Variants in MYO9A observed in about 807,000 individuals in gnomAD.
MYO9A encodes myosin IXA, also known as unconventional myosin-IXa.
A neutral mutation model predicts 293.3 loss-of-function variants in MYO9A; 103 were observed. The observed-to-expected ratio is 0.35, with a 90% CI of 0.30 to 0.41. MYO9A has a LOEUF of 0.41. Ranked by LOEUF, MYO9A falls within the 10% of genes least tolerant of loss-of-function variation. The probability of loss-of-function intolerance (pLI) is 1.00; values close to 1 mark genes in which losing one functional copy is unlikely to be tolerated. For missense variants in MYO9A, 2,685 were observed against 3,033.0 expected (o/e 0.89, Z 2.69); for synonymous variants, 1,001 against 1,035.7 (o/e 0.97, Z 0.64).
chr15:71,881,832 T>C (rs1028202292), intron 28 of MYO9A, among the ~76,000 whole-genome samples: 9 of 152,162 alleles, frequency 5.9e-5, no homozygotes, highest in African/African-American at 1.9e-4. Context: ...AAGAATATAA[T>C]TGTGGGAAAT....
intron 1 of MYO9A, among the ~76,000 whole-genome samples, chr15:72,059,467 C>A (rs989817499): frequency 2.5e-4 from 38 of 152,180 alleles, no homozygotes; most frequent in Non-Finnish European, 4.7e-4. Flanking sequence ...AGTTTCAGCT[C>A]TGGATTACTT....
At chr15:72,006,256 T>TTG (rs1555502361) in intron 8 of MYO9A, among the ~76,000 whole-genome samples, 214 of 150,308 alleles carry the variant, frequency 1.4e-3, no homozygotes, top group South Asian at 1.9e-3. Flanking sequence ...GTGTTTTTTT[T>TTG]TTGTTGTTGT....
intron 11 of MYO9A, among the ~76,000 whole-genome samples, chr15:71,985,746 T>A (rs932440113): frequency 5.3e-5 from 8 of 152,220 alleles, no homozygotes; most frequent in Non-Finnish European, 8.8e-5. Context: ...GTAAAACTTA[T>A]TTGAAGGTAC....
At chr15:72,079,199 T>C (rs2079463268) in intron 1 of MYO9A, among the ~76,000 whole-genome samples, 1 of 151,966 alleles carries the variant, frequency 6.6e-6, no homozygotes, top group African/African-American at 2.4e-5. Context: ...TAGGGGAAAC[T>C]GTGGGGGCAG....
At chr15:72,020,772 C>T (rs569459165) in intron 5 of MYO9A, 146 bp downstream of exon 5, 19 of 416,168 alleles carry the variant, frequency 4.6e-5, no homozygotes, top group South Asian at 1.1e-4. Flanking sequence ...AATTTGAGAA[C>T]TGCATCACCT....
At chr15:72,065,875 A>G (rs1344198050) in intron 1 of MYO9A, among the ~76,000 whole-genome samples, 3 of 152,234 alleles carry the variant, frequency 2.0e-5, no homozygotes, top group South Asian at 2.1e-4. Context: ...TCATTGTTCA[A>G]AAATATTCAC....
chr15:71,959,443 A>G (rs2146955783), intron 14 of MYO9A: 1 of 163,618 alleles, frequency 6.1e-6, no homozygotes, highest in African/African-American at 2.4e-5. Context: ...CTATGCAGCA[A>G]TGGCCCTATC....
rs764582516 is a variant in MYO9A at position 71,826,384 on chromosome 15, C to CT, written c.*195dup. ...TTCAAATACAACAGCCAAGGCACAG[C>CT]TGGCACCATCCCCAGCAGGCTTTCT... is the stretch of plus-strand genomic sequence containing the variant. On this transcript the variant is annotated 3_prime_UTR_variant, in exon 42 of 42. Coordinates refer to ENST00000356056, the MANE Select transcript of MYO9A (RefSeq NM_006901.4). 1.8e-6 allele frequency: 1 copy of CT among 568,444 alleles called. No homozygotes were observed. Among genetic ancestry groups the CT allele is most frequent in the Non-Finnish European group, 3.0e-6 (1 of 334,294 alleles). 35.2% of individuals were successfully genotyped at this position (568,444 alleles called of 1,614,324 possible).
At chr15:71,960,337 G>T in intron 13 of MYO9A, 2 of 460,770 alleles carry the variant, frequency 4.3e-6, no homozygotes, top group East Asian at 3.5e-5. Context: ...ACCAAAATCT[G>T]GTTATTTAAA....
At chr15:71,846,567 T>G (rs2055397378) in intron 39 of MYO9A, among the ~76,000 whole-genome samples, 1 of 152,194 alleles carries the variant, frequency 6.6e-6, no homozygotes, top group Non-Finnish European at 1.5e-5. Flanking sequence ...ATAGAATTGG[T>G]TTCAAGATGC....
intron 1 of MYO9A, among the ~76,000 whole-genome samples, chr15:72,111,358 G>T (rs1414886959): frequency 2.1e-5 from 3 of 142,708 alleles, no homozygotes; most frequent in Non-Finnish European, 4.6e-5. Context: ...GCATGGTGGC[G>T]TGCACCTGTA....
intron 37 of MYO9A, among the ~76,000 whole-genome samples, chr15:71,850,917 A>C (rs561695721): frequency 1.1e-4 from 17 of 152,192 alleles, no homozygotes; most frequent in African/African-American, 3.9e-4. Context: ...TCAATTCCTG[A>C]GAATGATCTG....
At position 72,085,726 on chromosome 15, in the gene MYO9A, C is replaced by T. The variant is rs566849870; in HGVS notation, c.-72+31954G>A. ...GCTTTTTAAGTTATCAGGATTCTTA[C>T]GCTGGTTCTTTCTCAACTTTGCGGG... On this transcript the variant is annotated intron_variant, in intron 1 of 41. Coordinates refer to ENST00000356056, the MANE Select transcript of MYO9A (RefSeq NM_006901.4). 1.5e-4 allele frequency among the ~76,000 whole-genome samples: 23 copies of T among 152,310 alleles called. No individual in the cohort carries two copies. In the South Asian group the frequency reaches 2.1e-3, roughly 14 times the overall value.
chr15:71,873,749 TAA>T (rs1248798968), intron 32 of MYO9A, among the ~76,000 whole-genome samples: 1 of 152,158 alleles, frequency 6.6e-6, no homozygotes, highest in African/African-American at 2.4e-5. Context: ...TGAATTATAA[TAA>T]AATAGTTGTT....
At chr15:71,894,564 A>G (rs1344126893) in intron 25 of MYO9A, among the ~76,000 whole-genome samples, 1 of 152,182 alleles carries the variant, frequency 6.6e-6, no homozygotes, top group Non-Finnish European at 1.5e-5. Flanking sequence ...GGGTGACAAG[A>G]GTGAAACTGT....
chr15:72,058,078 T>C (rs2078771931), intron 1 of MYO9A, among the ~76,000 whole-genome samples: 1 of 152,248 alleles, frequency 6.6e-6, no homozygotes, highest in African/African-American at 2.4e-5. Flanking sequence ...TCCTTCATTA[T>C]CTTGTTATTT....
At chr15:71,910,054 T>C (rs7170011) in intron 19 of MYO9A, among the ~76,000 whole-genome samples, 2,738 of 149,720 alleles carry the variant, frequency 0.018, 90 homozygotes, top group African/African-American at 0.063. Flanking sequence ...GAAGACATTG[T>C]TGTAACTAAA....
intron 1 of MYO9A, among the ~76,000 whole-genome samples, chr15:72,078,228 T>C (rs1596523647): frequency 6.6e-6 from 1 of 152,300 alleles, no homozygotes; most frequent in Non-Finnish European, 1.5e-5. Context: ...CCAGGGTGGC[T>C]CATGCCTGTA....
intron 1 of MYO9A, among the ~76,000 whole-genome samples, chr15:72,113,005 A>G (rs2080836368): frequency 6.6e-6 from 1 of 152,218 alleles, no homozygotes; most frequent in Non-Finnish European, 1.5e-5. Flanking sequence ...CTGAGGCAGG[A>G]GGATGGCTCT....
Sources: allele counts gnomAD v4.1 joint callset (sites outside exome capture counted in the v4.1 genomes callset), GRCh38; gene constraint gnomAD v4.1.1; transcripts MANE v1.5; gene names NCBI Gene and HGNC (gene_info 2026-07-23, HGNC 2026-07-21).